PCDHGB3: variants seen among roughly 807,000 people sequenced by gnomAD.
PCDHGB3 encodes protocadherin gamma-B3.
A neutral mutation model predicts 59.2 loss-of-function variants in PCDHGB3; 40 were observed. That is an observed-to-expected ratio of 0.68 (90% confidence interval 0.52 to 0.88). The LOEUF (loss-of-function observed/expected upper bound fraction) is 0.88, where lower values mean the gene tolerates loss of function less well. Ranked by LOEUF, PCDHGB3 falls within the 40% of genes least tolerant of loss-of-function variation. PCDHGB3 has a pLI of 0.00. For missense variants in PCDHGB3, 1,309 were observed against 1,187.9 expected, an observed-to-expected ratio of 1.10 and a Z score of -1.50; for synonymous variants, 581 against 503.6, an observed-to-expected ratio of 1.15 and a Z score of -2.06.
At chr5:141,391,839 T>G (rs995589062) in intron 1 of PCDHGB3, 1 of 152,244 alleles carries the variant, frequency 6.6e-6, no homozygotes, top group Non-Finnish European at 1.5e-5. Context: ...AGAATATATG[T>G]AAAAGTCAAG....
Position 141,485,432 on chromosome 5 carries a change from A to C in PCDHGB3, c.2416-9375A>C. The C allele has an allele frequency of 6.2e-7, 1 of 1,614,178 alleles. No individual in the cohort carries two copies. Among genetic ancestry groups the C allele is most frequent in the Non-Finnish European group, 8.5e-7 (1 of 1,180,028 alleles). ...TTTGGACAGCGGAGCCCTGCTCATC[A>C]AGAACCCAATCGACCGAGAGGCACT... On this transcript the variant is annotated intron_variant, in intron 1 of 3. Transcript: ENST00000576222. The surrounding 1 kb of genome is among the most constrained non-coding windows in gnomAD (Gnocchi z 5.7).
At chr5:141,498,954 A>G (rs1180380627) in intron 2 of PCDHGB3, among the ~76,000 whole-genome samples, 2 of 134,538 alleles carry the variant, frequency 1.5e-5, no homozygotes, top group Non-Finnish European at 3.2e-5. Context: ...AGAAAAAGAG[A>G]GAGAGGGAGG....
chr5:141,487,455 A>G lies in PCDHGB3; in HGVS notation c.2416-7352A>G, dbSNP rs751456631. 6.2e-7 allele frequency: 1 copy of G among 1,614,122 alleles called. No individual in the cohort carries two copies. The highest frequency in any genetic ancestry group is 8.5e-7 in the Non-Finnish European group (1 of 1,180,032). On this transcript the variant is annotated intron_variant, in intron 1 of 3. Coordinates refer to ENST00000576222, the MANE Select transcript of PCDHGB3 (RefSeq NM_018924.5). The surrounding 1 kb of genome is among the most constrained non-coding windows in gnomAD (Gnocchi z 5.0). ...CAGCTAGGGTCAGATGACCCTATCA[A>G]GTTTGTTGATGTGGGAGGCCACTCT...
At chr5:141,386,797 T>G (rs771279831) in intron 1 of PCDHGB3, among the ~76,000 whole-genome samples, 1 of 152,124 alleles carries the variant, frequency 6.6e-6, no homozygotes, top group Non-Finnish European at 1.5e-5. Flanking sequence ...TGACCAAAAT[T>G]TATTAGATGC....
At chr5:141,465,338 G>C (rs908157154) in intron 1 of PCDHGB3, among the ~76,000 whole-genome samples, 6 of 151,962 alleles carry the variant, frequency 3.9e-5, no homozygotes, top group Admixed American at 2.6e-4. Context: ...TTTTATATTG[G>C]TTACTGAAGA....
chr5:141,432,395 G>C lies in PCDHGB3; in HGVS notation c.2415+59586G>C, dbSNP rs748660079. The C allele has an allele frequency of 1.2e-6, 2 of 1,614,242 alleles. No homozygotes were observed. The highest frequency in any genetic ancestry group is 4.5e-5 in the East Asian group (2 of 44,882). On this transcript the variant is annotated intron_variant, in intron 1 of 3. Coordinates refer to ENST00000576222, the MANE Select transcript of PCDHGB3 (RefSeq NM_018924.5). The surrounding 1 kb of genome is among the most constrained non-coding windows in gnomAD (Gnocchi z 6.0). The stretch of plus-strand genomic sequence containing the variant: ...CGGGCACCCGCCCCTCAGCAGCAAC[G>C]TGTCGTTGAGCCTGTTCGTGCTGGA...
At chr5:141,409,424 G>A in intron 1 of PCDHGB3, 1 of 1,613,998 alleles carries the variant, frequency 6.2e-7, no homozygotes, top group Non-Finnish European at 8.5e-7. Context: ...GGTGACAGAT[G>A]GAGCCCTGGA....
chr5:141,377,575 G>C (rs2150112851), intron 1 of PCDHGB3: 1 of 150,404 alleles, frequency 6.6e-6, no homozygotes, highest in African/African-American at 2.4e-5. Context: ...TAGCCTGGGA[G>C]ACAGAATGAG....
chr5:141,404,501 C>T, intron 1 of PCDHGB3: 2 of 1,613,792 alleles, frequency 1.2e-6, no homozygotes, highest in Non-Finnish European at 1.7e-6. Context: ...GCTGTATGCT[C>T]TGTGCTCCTT....
intron 1 of PCDHGB3, chr5:141,414,738 C>A: frequency 6.2e-7 from 1 of 1,614,238 alleles, no homozygotes; most frequent in Non-Finnish European, 8.5e-7. Context: ...TGTATGCACT[C>A]AGATCCTTCG....
At chr5:141,403,060 T>G (rs2094346399) in intron 1 of PCDHGB3, 2 of 1,614,042 alleles carry the variant, frequency 1.2e-6, no homozygotes, top group Non-Finnish European at 8.5e-7. Flanking sequence ...ACTCAGTGCC[T>G]GAAGAGACAG....
intron 1 of PCDHGB3, chr5:141,389,665 C>A (rs1258802999): frequency 6.2e-7 from 1 of 1,612,414 alleles, no homozygotes; most frequent in East Asian, 2.2e-5. Context: ...GCGGTGGACG[C>A]AGACTCAGGA....
rs1594492695 is a variant in PCDHGB3 at position 141,485,536 on chromosome 5, A to G, written c.2416-9271A>G. On this transcript the variant is annotated intron_variant, in intron 1 of 3. Transcript: ENST00000576222. The surrounding 1 kb of genome is among the most constrained non-coding windows in gnomAD (Gnocchi z 5.7). ...CTTTGGAAATGTACCGAGCAGAGGTAGAGATCGTAGATGTGAATGATCACG... is the reference window on the plus strand; with the variant it reads ...CTTTGGAAATGTACCGAGCAGAGGTGGAGATCGTAGATGTGAATGATCACG... 3 of 1,613,976 alleles carry G rather than the reference A, an allele frequency of 1.9e-6. No homozygotes were observed. The highest frequency in any genetic ancestry group is 2.5e-6 in the Non-Finnish European group (3 of 1,179,946).
intron 1 of PCDHGB3, chr5:141,395,576 G>A: frequency 4.2e-6 from 1 of 237,360 alleles, no homozygotes; most frequent in Non-Finnish European, 8.1e-6. Flanking sequence ...GTGTGTGTGT[G>A]TGTGTGTGTG....
intron 1 of PCDHGB3, among the ~76,000 whole-genome samples, chr5:141,445,961 G>T (rs944876169): frequency 1.3e-5 from 2 of 152,158 alleles, no homozygotes; most frequent in Non-Finnish European, 2.9e-5. Context: ...GCTATATGGA[G>T]AATTGATTTA....
chr5:141,452,054 C>T (rs578157525), intron 1 of PCDHGB3, among the ~76,000 whole-genome samples: 2 of 152,078 alleles, frequency 1.3e-5, no homozygotes, highest in Admixed American at 1.3e-4. Flanking sequence ...TTTGTAATAA[C>T]TTATTCTACT....
At chr5:141,505,347 T>C in intron 2 of PCDHGB3, 46 bp from the exon 3 acceptor site, 4 of 1,613,346 alleles carry the variant, frequency 2.5e-6, no homozygotes, top group Non-Finnish European at 2.5e-6. Context: ...GGGCATGAGC[T>C]GTGCCGGCCT....
In PCDHGB3 at chr5:141,370,921, C is replaced by T. The variant is rs1767318937; in HGVS notation, c.527C>T (p.Pro176Leu). Reference sequence around the variant, plus strand: ...CAGCAGTACTACCTCAGCCCTGATCCGCACTTCTCTTTGATTCAGAAGGAG... The same window carrying T: ...CAGCAGTACTACCTCAGCCCTGATCTGCACTTCTCTTTGATTCAGAAGGAG... ...SLQQYYLSPD[P>L]HFSLIQKENL... The change falls in exon 1 of 4, where the codon CCG (proline) becomes CTG (leucine). Residue 176 changes from proline to leucine, a missense_variant. By Grantham distance (98) the Pro-to-Leu change is moderately conservative. Coordinates refer to ENST00000576222, the MANE Select transcript of PCDHGB3 (RefSeq NM_018924.5). 2 of 1,613,978 alleles carry T rather than the reference C, an allele frequency of 1.2e-6. No homozygotes were observed. Among genetic ancestry groups the T allele is most frequent in the Admixed American group, 1.7e-5 (1 of 60,006 alleles).
intron 1 of PCDHGB3, chr5:141,414,130 T>C (rs761622500): frequency 6.3e-7 from 1 of 1,594,602 alleles, no homozygotes; most frequent in South Asian, 1.1e-5. Context: ...AACCGGTTTC[T>C]ATGAAATAGA....
Sources: allele counts gnomAD v4.1 joint callset (sites outside exome capture counted in the v4.1 genomes callset), GRCh38; gene constraint gnomAD v4.1.1; non-coding constraint Gnocchi (gnomAD v3.1); transcripts MANE v1.5; gene names NCBI Gene and HGNC (gene_info 2026-07-23, HGNC 2026-07-21).